SEPTIN9: variants seen among roughly 807,000 people sequenced by gnomAD.
The protein encoded by SEPTIN9 is septin 9, also known as septin-9.
SEPTIN9 carries 13 observed loss-of-function variants against 56.6 expected under a neutral mutation model. The observed-to-expected ratio is 0.23, with a 90% CI of 0.15 to 0.37. The LOEUF (loss-of-function observed/expected upper bound fraction) is 0.37, where lower values mean the gene tolerates loss of function less well. Ranked by LOEUF, SEPTIN9 falls within the 10% of genes least tolerant of loss-of-function variation. SEPTIN9 has a pLI of 1.00. For synonymous variants in SEPTIN9, 332 were observed against 334.1 expected, an observed-to-expected ratio of 0.99 and a Z score of 0.07; for missense variants, 650 against 823.1, an observed-to-expected ratio of 0.79 and a Z score of 2.57.
At chr17:77,296,792 G>T (rs772134335) in intron 1 of SEPTIN9, among the ~76,000 whole-genome samples, 9 of 152,184 alleles carry the variant, frequency 5.9e-5, no homozygotes, top group Non-Finnish European at 1.3e-4. Context: ...GGTGGAGGTT[G>T]CAGTGAGCTG....
chr17:77,307,470 G>C (rs896644406), intron 2 of SEPTIN9, among the ~76,000 whole-genome samples: 12 of 152,216 alleles, frequency 7.9e-5, no homozygotes, highest in Non-Finnish European at 1.0e-4. Context: ...GGACAGAGGA[G>C]AGAACAGGAG....
In SEPTIN9 at chr17:77,326,164, A is replaced by C. The variant is rs1177955418; in HGVS notation, c.76+18967A>C. ...CCAACCTCACCCATGTGGTCCGCCC[A>C]GCAACCTTTGACCCCCAACATGACA... On this transcript the variant is annotated intron_variant, in intron 2 of 11. Transcript: ENST00000427177. This position sits in a 1 kb window ranked among gnomAD's most constrained non-coding sequence, Gnocchi z 5.1. Among the ~76,000 whole-genome samples, 1 of 150,430 alleles carries C rather than the reference A, an allele frequency of 6.6e-6. No individual in the cohort carries two copies. Among genetic ancestry groups the C allele is most frequent in the East Asian group, 2.0e-4 (1 of 5,116 alleles).
At chr17:77,452,473 G>A (rs2038021093) in intron 3 of SEPTIN9, among the ~76,000 whole-genome samples, 1 of 152,222 alleles carries the variant, frequency 6.6e-6, no homozygotes, top group African/African-American at 2.4e-5. Context: ...TGTGAAATCT[G>A]CTGTGTTTTG....
chr17:77,431,830 C>CAAAA (rs61461406), intron 3 of SEPTIN9, among the ~76,000 whole-genome samples: 3 of 55,254 alleles, frequency 5.4e-5, no homozygotes, highest in African/African-American at 1.7e-4. Context: ...AATGCTGTCT[C>CAAAA]AAAAAAAAAA....
intron 3 of SEPTIN9, among the ~76,000 whole-genome samples, chr17:77,474,593 C>T (rs928778918): frequency 9.9e-5 from 15 of 152,114 alleles, no homozygotes; most frequent in Admixed American, 3.3e-4. Context: ...CTGCCTGCAC[C>T]GCAGCTGCAC....
intron 1 of SEPTIN9, among the ~76,000 whole-genome samples, chr17:77,300,125 C>T (rs546934903): frequency 3.3e-5 from 5 of 152,262 alleles, no homozygotes; most frequent in African/African-American, 1.2e-4. Context: ...GAGACAGAGT[C>T]TTGGTCTTTT....
intron 7 of SEPTIN9, 120 bp from the exon 8 acceptor site, chr17:77,490,622 A>T: frequency 1.3e-6 from 1 of 776,626 alleles, no homozygotes. Context: ...TGTCCTTGCC[A>T]GCAGGGACCC....
Position 77,433,076 on chromosome 17 carries a change from G to C in SEPTIN9, c.721+30373G>C, listed in dbSNP as rs2037206733. 6.6e-6 allele frequency among the ~76,000 whole-genome samples: 1 copy of C among 152,186 alleles called. No individual in the cohort carries two copies. Among genetic ancestry groups the C allele is most frequent in the Non-Finnish European group, 1.5e-5 (1 of 68,022 alleles). ...CAGCTGCTCCGACAGGATGCTTTTG[G>C]CCTGAGAGACAGAAACCCCAACTCT... On this transcript the variant is annotated intron_variant, in intron 3 of 11. Transcript: ENST00000427177. This position sits in a 1 kb window ranked among gnomAD's most constrained non-coding sequence, Gnocchi z 6.4.
chr17:77,496,862 A>G (rs1346904097), intron 10 of SEPTIN9, among the ~76,000 whole-genome samples: 1 of 152,202 alleles, frequency 6.6e-6, no homozygotes, highest in Non-Finnish European at 1.5e-5. Context: ...GGTTTTCTTT[A>G]AAATCCCAGC....
intron 2 of SEPTIN9, among the ~76,000 whole-genome samples, chr17:77,392,332 G>C (rs1428597477): frequency 6.6e-6 from 1 of 152,166 alleles, no homozygotes; most frequent in Non-Finnish European, 1.5e-5. Flanking sequence ...CATCAGAGTG[G>C]CCTCCTGTGG....
At chr17:77,428,258 G>A (rs1208277181) in intron 3 of SEPTIN9, among the ~76,000 whole-genome samples, 1 of 152,248 alleles carries the variant, frequency 6.6e-6, no homozygotes, top group East Asian at 1.9e-4. Flanking sequence ...AGAGCTCGGG[G>A]ACGGTGGCCT....
intron 3 of SEPTIN9, among the ~76,000 whole-genome samples, chr17:77,463,261 G>A (rs1024162961): frequency 1.3e-5 from 2 of 152,138 alleles, no homozygotes; most frequent in Non-Finnish European, 2.9e-5. Context: ...ATCTTGGAGT[G>A]TGCGTTCCAA....
At chr17:77,284,654 G>T (rs2031195115) in intron 1 of SEPTIN9, among the ~76,000 whole-genome samples, 1 of 152,068 alleles carries the variant, frequency 6.6e-6, no homozygotes, top group Non-Finnish European at 1.5e-5. Flanking sequence ...TTTTGAGACG[G>T]AGTCTCACTC....
At chr17:77,430,416 G>T (rs1371675780) in intron 3 of SEPTIN9, among the ~76,000 whole-genome samples, 8 of 152,178 alleles carry the variant, frequency 5.3e-5, no homozygotes, top group African/African-American at 1.9e-4. Flanking sequence ...ACTAGGCCGT[G>T]GATAGAGCAG....
At chr17:77,494,797 G>T (rs773304595) in intron 10 of SEPTIN9, among the ~76,000 whole-genome samples, 11 of 152,196 alleles carry the variant, frequency 7.2e-5, no homozygotes, top group Admixed American at 1.3e-4. Flanking sequence ...CCCTCGAGAT[G>T]GGAGTTCATG....
At position 77,373,619 on chromosome 17, in the gene SEPTIN9, C is replaced by CG. The variant is rs375721903; in HGVS notation, c.77-28437dup. On this transcript the variant is annotated intron_variant, in intron 2 of 11. Transcript: ENST00000427177. ...GAGGACCCTGCGGGTGGGCCTGGCG[C>CG]GGGACGGGGGTGCGCTGAGGGGAGA... The CG allele has an allele frequency of 2.9e-3, 4,486 of 1,524,416 alleles. 110 individuals are homozygous for CG. The African/African-American group carries it at 0.055, about 19-fold the overall frequency. 94.4% of individuals were successfully genotyped at this position (1,524,416 alleles called of 1,614,324 possible).
At chr17:77,381,653 A>G (rs1174749144) in intron 2 of SEPTIN9, among the ~76,000 whole-genome samples, 1 of 152,110 alleles carries the variant, frequency 6.6e-6, no homozygotes, top group Non-Finnish European at 1.5e-5. Context: ...AGTGCTCTGT[A>G]TGTTTGCTGG....
intron 2 of SEPTIN9, among the ~76,000 whole-genome samples, chr17:77,364,910 A>C (rs527496314): frequency 1.2e-3 from 182 of 152,362 alleles, no homozygotes; most frequent in African/African-American, 4.1e-3. Context: ...CTGGCTCCAG[A>C]AATTTCTTCA....
At position 77,445,516 on chromosome 17, in the gene SEPTIN9, G is replaced by A. The variant is rs1308371561; in HGVS notation, c.722-36628G>A. The A allele has an allele frequency of 2.3e-6, 1 of 427,428 alleles. No homozygotes were observed. The highest frequency in any genetic ancestry group is 4.9e-6 in the Non-Finnish European group (1 of 203,720). 26.5% of individuals were successfully genotyped at this position (427,428 alleles called of 1,614,324 possible). ...CTGGGAACTGGGGGTTGGTGCATGT[G>A]TGCACGCACGTGTGTGTGTGTGTGC... On this transcript the variant is annotated intron_variant, in intron 3 of 11. Coordinates refer to ENST00000427177, the MANE Select transcript of SEPTIN9 (RefSeq NM_001113491.2). The surrounding 1 kb of genome is among the most constrained non-coding windows in gnomAD (Gnocchi z 4.7).
Sources: gnomAD v4.1 joint callset for allele counts (sites outside exome capture counted in the v4.1 genomes callset) on GRCh38, gnomAD v4.1.1 for gene constraint, Gnocchi (gnomAD v3.1) non-coding constraint, MANE v1.5 for transcripts, NCBI Gene and HGNC (gene_info 2026-07-23, HGNC 2026-07-21) for gene names.